ADGB: variants seen among roughly 807,000 people sequenced by gnomAD.
ADGB encodes androglobin.
A neutral mutation model predicts 210.5 loss-of-function variants in ADGB; 172 were observed. That is an observed-to-expected ratio of 0.82 (90% confidence interval 0.72 to 0.93). The LOEUF (loss-of-function observed/expected upper bound fraction) is 0.93, where lower values mean the gene tolerates loss of function less well. Among genes scored for constraint, ADGB ranks in the 40% least tolerant of loss-of-function variants. ADGB has a pLI of 0.00. For missense variants in ADGB, 2,025 were observed against 1,964.8 expected, an observed-to-expected ratio of 1.03 and a Z score of -0.58; for synonymous variants, 658 against 662.7, an observed-to-expected ratio of 0.99 and a Z score of 0.11.
At chr6:146,779,065 A>AC (rs1777760940) in intron 29 of ADGB, among the ~76,000 whole-genome samples, 1 of 151,880 alleles carries the variant, frequency 6.6e-6, no homozygotes, top group African/African-American at 2.4e-5. Flanking sequence ...AGCTTTGGAA[A>AC]AAAAAAAAAA....
rs145203189 is a variant in ADGB, at chr6:146,705,580, T to G, written c.1707+4510T>G. The stretch of plus-strand genomic sequence containing the variant: ...TTCTTTTAATGTGGTATATCATACT[T>G]GTAGATTTGCATATGTCAAACCATC... On this transcript the variant is annotated intron_variant, in intron 13 of 35. Transcript: ENST00000397944. Among the ~76,000 whole-genome samples the G allele has an allele frequency of 2.9e-3, 444 of 152,288 alleles. 2 individuals carry two copies. The highest frequency in any genetic ancestry group is 0.01 in the African/African-American group (428 of 41,568).
intron 16 of ADGB, among the ~76,000 whole-genome samples, chr6:146,719,454 G>A (rs1776785459): frequency 1.3e-5 from 2 of 151,900 alleles, no homozygotes; most frequent in Admixed American, 1.3e-4. Context: ...TTAATTAATG[G>A]TATGAGAAAA....
In ADGB at chr6:146,784,796, T is replaced by C. The variant is rs1320777163; in HGVS notation, c.4212+2T>C. 6.5e-7 allele frequency: 1 copy of C among 1,539,798 alleles called. No homozygotes were observed. The highest frequency in any genetic ancestry group is 1.2e-5 in the South Asian group (1 of 81,758). On this transcript the variant is annotated splice_donor_variant, in intron 31 of 35. Coordinates refer to ENST00000397944, the MANE Select transcript of ADGB (RefSeq NM_024694.4). LOFTEE classifies it high-confidence loss of function. ...ACTGAGCCAGGAAGAGCAATCAAGG[T>C]CACCTGATTTCGAAAAGCTGTCATC...
At chr6:146,736,661 C>T in intron 23 of ADGB, 70 bp downstream of exon 23, 1 of 1,063,160 alleles carries the variant, frequency 9.4e-7, no homozygotes, top group Non-Finnish European at 1.4e-6. Context: ...TGAATACTAC[C>T]ATATTTGTTG....
intron 27 of ADGB, among the ~76,000 whole-genome samples, chr6:146,754,873 C>T (rs1777384166): frequency 6.6e-6 from 1 of 152,002 alleles, no homozygotes; most frequent in Non-Finnish European, 1.5e-5. Context: ...CACACATACA[C>T]TTTCATAAAA....
intron 9 of ADGB, among the ~76,000 whole-genome samples, chr6:146,682,657 T>C (rs1254809249): frequency 6.6e-6 from 1 of 152,158 alleles, no homozygotes; most frequent in Non-Finnish European, 1.5e-5. Flanking sequence ...TTTAAACATT[T>C]GCCTTTAAGA....
intron 2 of ADGB, among the ~76,000 whole-genome samples, chr6:146,643,597 T>C (rs1325347495): frequency 6.6e-6 from 1 of 151,890 alleles, no homozygotes. Flanking sequence ...CATTTGGATA[T>C]TATTCTTTCT....
chr6:146,642,179 T>A (rs1200883264), intron 2 of ADGB, among the ~76,000 whole-genome samples: 1 of 150,452 alleles, frequency 6.6e-6, no homozygotes, highest in Admixed American at 6.6e-5. Flanking sequence ...TACTTATTAT[T>A]AGAAATACCA....
chr6:146,767,536 T>A (rs529064496), intron 28 of ADGB, among the ~76,000 whole-genome samples: 9 of 152,320 alleles, frequency 5.9e-5, no homozygotes, highest in African/African-American at 1.9e-4. Context: ...TGGCGTGATC[T>A]CAGCTCACTG....
Position 146,733,987 on chromosome 6 carries a change from G to T in ADGB, c.2751G>T (p.Trp917Cys). The change falls in exon 22 of 36, where the codon TGG becomes TGT. Residue 917 changes from tryptophan to cysteine, a missense_variant. Physicochemically the swap from Trp to Cys is radical, Grantham distance 215 (BLOSUM62 -2). Transcript: ENST00000397944. ...CAGCAATTAAAATTCAAGCCATGTGGAGAGGAACTTACGTTAGATTGCTTA... is the reference window on the plus strand; with the variant it reads ...CAGCAATTAAAATTCAAGCCATGTGTAGAGGAACTTACGTTAGATTGCTTA... ...VAAAIKIQAM[W>C]RGTYVRLLMK... The T allele has an allele frequency of 1.3e-6, 2 of 1,551,654 alleles. No individual in the cohort carries two copies. Among genetic ancestry groups the T allele is most frequent in the Non-Finnish European group, 1.7e-6 (2 of 1,146,954 alleles).
At chr6:146,773,687 A>C (rs1029550683) in intron 29 of ADGB, among the ~76,000 whole-genome samples, 28 of 152,332 alleles carry the variant, frequency 1.8e-4, no homozygotes, top group Non-Finnish European at 3.2e-4. Flanking sequence ...TCGAAGGAGC[A>C]GAGTGAAGGT....
intron 20 of ADGB, 84 bp downstream of exon 20, chr6:146,728,825 C>A: frequency 8.9e-7 from 1 of 1,122,064 alleles, no homozygotes; most frequent in Non-Finnish European, 1.2e-6. Flanking sequence ...CCTCCCAAAT[C>A]AGAGCCAGAG....
chr6:146,722,748 A>C (rs1180216028), intron 17 of ADGB, among the ~76,000 whole-genome samples: 22 of 152,186 alleles, frequency 1.4e-4, no homozygotes, highest in Non-Finnish European at 1.5e-5. Flanking sequence ...AGACAGAAGA[A>C]ATCAGAAAGG....
intron 35 of ADGB, among the ~76,000 whole-genome samples, chr6:146,807,992 G>GTTTTTTTTTTTTTTTTTT (rs369961809): frequency 3.9e-5 from 4 of 103,162 alleles, no homozygotes; most frequent in African/African-American, 3.8e-5. Context: ...CTATGCTTCA[G>GTTTTTTTTTTTTTTTTTT]TTTTTTTTTT....
At chr6:146,663,389 C>G (rs2114892937) in intron 5 of ADGB, among the ~76,000 whole-genome samples, 1 of 151,668 alleles carries the variant, frequency 6.6e-6, no homozygotes, top group East Asian at 1.9e-4. Flanking sequence ...GCCCTGCTCC[C>G]TGGTTCATAA....
intron 9 of ADGB, among the ~76,000 whole-genome samples, 152 bp downstream of exon 9, chr6:146,676,593 C>A (rs145531004): frequency 6.6e-6 from 1 of 152,066 alleles, no homozygotes; most frequent in Non-Finnish European, 1.5e-5. Flanking sequence ...GATGGGTGGG[C>A]GTGTTGGGCC....
chr6:146,755,782 ATCT>A (rs57286526), intron 27 of ADGB, among the ~76,000 whole-genome samples: 37,584 of 151,722 alleles, frequency 0.25, 4,787 homozygotes, highest in Middle Eastern at 0.31. Context: ...AATTGATTAC[ATCT>A]TCTAGTTGAC....
chr6:146,746,767 C>T (rs545038605), intron 26 of ADGB, among the ~76,000 whole-genome samples: 1 of 152,262 alleles, frequency 6.6e-6, no homozygotes, highest in Non-Finnish European at 1.5e-5. Flanking sequence ...TACAGATAAA[C>T]TCCGAAGCAC....
rs368759014 is a variant in ADGB, at chr6:146,758,795, A to C, written c.3551-5106A>C. 1.9e-4 allele frequency among the ~76,000 whole-genome samples: 29 copies of C among 152,110 alleles called. 1 individual carries two copies. Among genetic ancestry groups the C allele is most frequent in the African/African-American group, 6.5e-4 (27 of 41,556 alleles). Reference sequence around the variant, plus strand: ...TAGATACTATAATTTAAGGAAACTGACATTGTTACAATATCGAATTTGCAT... The same window carrying C: ...TAGATACTATAATTTAAGGAAACTGCCATTGTTACAATATCGAATTTGCAT... On this transcript the variant is annotated intron_variant, in intron 27 of 35. Transcript: ENST00000397944.
Sources: allele counts gnomAD v4.1 joint callset (sites outside exome capture counted in the v4.1 genomes callset), GRCh38; gene constraint gnomAD v4.1.1; transcripts MANE v1.5; gene names NCBI Gene and HGNC (gene_info 2026-07-23, HGNC 2026-07-21).